The following SETD2 variants were observed in gnomAD, a reference collection of about 807,000 sequenced individuals.
SETD2 encodes the protein SET domain containing 2, histone lysine methyltransferase.
SETD2 carries 31 observed loss-of-function variants against 242.1 expected under a neutral mutation model. The observed-to-expected ratio is 0.13, with a 90% confidence interval of 0.10 to 0.17. The LOEUF (loss-of-function observed/expected upper bound fraction) is 0.17, where lower values mean the gene tolerates loss of function less well. SETD2 is among the 10% of genes least tolerant of loss of function. The pLI, the probability that SETD2 is intolerant of heterozygous loss-of-function variation, is 1.00. For missense variants in SETD2, 2,481 were observed against 3,046.3 expected (o/e 0.81, Z 4.37); for synonymous variants, 1,006 against 1,066.5 (o/e 0.94, Z 1.11).
At chr3:47,132,301 A>AT (rs2043497055) in intron 1 of SETD2, among the ~76,000 whole-genome samples, 1 of 151,930 alleles carries the variant, frequency 6.6e-6, no homozygotes, top group South Asian at 2.1e-4. Flanking sequence ...CCGGGCTAAT[A>AT]TTTTTTGAGA....
intron 7 of SETD2, among the ~76,000 whole-genome samples, chr3:47,101,840 TA>T (rs2042226537): frequency 6.6e-6 from 1 of 152,100 alleles, no homozygotes; most frequent in South Asian, 2.1e-4. Context: ...GAAAAAAAAG[TA>T]ACTGCTATTT....
chr3:47,093,844 T>C (rs2041902969), intron 9 of SETD2, among the ~76,000 whole-genome samples: 1 of 152,198 alleles, frequency 6.6e-6, no homozygotes, highest in Non-Finnish European at 1.5e-5. Context: ...TTTTTATCAA[T>C]CTGGTGAGAG....
chr3:47,092,662 T>C (rs936771618), intron 9 of SETD2, among the ~76,000 whole-genome samples: 1 of 151,944 alleles, frequency 6.6e-6, no homozygotes, highest in African/African-American at 2.4e-5. Flanking sequence ...TACTTGAATA[T>C]TTGTGGCACT....
rs745818916 is a variant in SETD2, at chr3:47,017,066, A to G, written c.*27T>C. The G allele has an allele frequency of 1.7e-5, 27 of 1,611,546 alleles. No homozygotes were observed. The highest frequency in any genetic ancestry group is 2.2e-5 in the Non-Finnish European group (26 of 1,178,406). On this transcript the variant is annotated 3_prime_UTR_variant, in exon 21 of 21. Transcript: ENST00000409792. The surrounding 1 kb of genome is among the most constrained non-coding windows in gnomAD (Gnocchi z 4.8). ...TCCCTAGAGTCTGTCTTACCTGACC[A>G]CCCATCCTCCCACCCTGGCCCAACA... is the stretch of plus-strand genomic sequence containing the variant.
At chr3:47,120,108 T>C (rs1244835262) in intron 3 of SETD2, 74 bp downstream of exon 3, 1 of 1,209,082 alleles carries the variant, frequency 8.3e-7, no homozygotes, top group African/African-American at 1.5e-5. Context: ...TCATACAGTC[T>C]GAATTGTTTA....
chr3:47,102,389 G>A (rs571442597), intron 7 of SETD2, among the ~76,000 whole-genome samples: 25 of 152,298 alleles, frequency 1.6e-4, no homozygotes, highest in Non-Finnish European at 2.8e-4. Flanking sequence ...ATCTATTAGT[G>A]TATAGTTCAA....
At chr3:47,036,125 C>T (rs1281552617) in intron 18 of SETD2, among the ~76,000 whole-genome samples, 2 of 152,170 alleles carry the variant, frequency 1.3e-5, no homozygotes, top group African/African-American at 4.8e-5. Flanking sequence ...CTTCTCACTC[C>T]AGCTCCTTTT....
Position 47,121,699 on chromosome 3 carries a change from G to A in SETD2, c.2937C>T (p.Ile979=), listed in dbSNP as rs370019096. The A allele has an allele frequency of 8.7e-6, 14 of 1,613,968 alleles. No individual in the cohort carries two copies. Among genetic ancestry groups the A allele is most frequent in the Non-Finnish European group, 1.1e-5 (13 of 1,179,998 alleles). The change falls in exon 3 of 21, where the codon ATC becomes ATT. Residue 979 remains isoleucine (I), a synonymous_variant. Transcript: ENST00000409792. ...CTCCTTCTCCTCTTTCATCTAAAGA[G>A]ATTTCTGGTCTTCCTCTTCTTTCAG... is the stretch of plus-strand genomic sequence containing the variant. The part of the protein sequence containing the change: ...ILPERRGRPE[I]SLDERGEGGH...
chr3:47,122,448 T>C lies in SETD2; in HGVS notation c.2188A>G (p.Lys730Glu), dbSNP rs759927194. ...AGCATGCAGGTATCATCCAAGTCTT[T>C]TTCTTTGCACCTACTAATATTCTGA... ...GFQNISRCKE[K>E]DLDDTCMLHK... The change falls in exon 3 of 21, where the codon AAA becomes GAA. Residue 730 changes from lysine to glutamate, a missense_variant. Physicochemically the swap from Lys to Glu is moderately conservative, Grantham distance 56. Coordinates refer to ENST00000409792, the MANE Select transcript of SETD2 (RefSeq NM_014159.7). 14 of 1,614,152 alleles carry C rather than the reference T, an allele frequency of 8.7e-6. No individual in the cohort carries two copies. The highest frequency in any genetic ancestry group is 1.7e-5 in the Admixed American group (1 of 60,032).
chr3:47,099,955 T>C (rs2042145329), intron 8 of SETD2, among the ~76,000 whole-genome samples: 1 of 152,190 alleles, frequency 6.6e-6, no homozygotes, highest in South Asian at 2.1e-4. Context: ...TATACCTTTT[T>C]TTTTTTTTGC....
intron 12 of SETD2, among the ~76,000 whole-genome samples, chr3:47,079,769 AACAG>A (rs2041248162): frequency 1.3e-5 from 2 of 152,216 alleles, no homozygotes; most frequent in African/African-American, 4.8e-5. Flanking sequence ...TATTTACAAA[AACAG>A]ACAGTGGGGC....
At chr3:47,155,978 G>A (rs1231447252) in intron 1 of SETD2, among the ~76,000 whole-genome samples, 2 of 151,922 alleles carry the variant, frequency 1.3e-5, no homozygotes, top group Admixed American at 6.6e-5. Context: ...AGTACTCTAC[G>A]GTACTCTTGG....
chr3:47,050,027 T>C (rs2039755137), intron 15 of SETD2, among the ~76,000 whole-genome samples: 1 of 148,200 alleles, frequency 6.7e-6, no homozygotes, highest in Non-Finnish European at 1.5e-5. Flanking sequence ...TATATATATA[T>C]GGGAAAAACA....
At chr3:47,103,114 A>T (rs2042278914) in intron 7 of SETD2, among the ~76,000 whole-genome samples, 1 of 152,178 alleles carries the variant, frequency 6.6e-6, no homozygotes, top group Non-Finnish European at 1.5e-5. Flanking sequence ...GTTATATATG[A>T]TGTTAACATG....
intron 5 of SETD2, 140 bp from the exon 6 acceptor site, chr3:47,106,260 ACATGT>A: frequency 1.4e-6 from 1 of 727,036 alleles, no homozygotes; most frequent in Non-Finnish European, 2.1e-6. Flanking sequence ...AATTTCAAAC[ACATGT>A]CAAGTATCTA....
intron 15 of SETD2, among the ~76,000 whole-genome samples, chr3:47,049,182 G>A (rs2039676863): frequency 6.6e-6 from 1 of 151,454 alleles, no homozygotes; most frequent in Admixed American, 6.6e-5. Flanking sequence ...GTGTTTGAGT[G>A]ATTCTCCTGC....
intron 16 of SETD2, 104 bp downstream of exon 16, chr3:47,046,383 A>C: frequency 1.9e-6 from 2 of 1,073,042 alleles, no homozygotes; most frequent in Non-Finnish European, 2.5e-6. Flanking sequence ...ACACGTGAAA[A>C]AAAAACCCAA....
intron 1 of SETD2, among the ~76,000 whole-genome samples, chr3:47,128,263 T>A (rs1183312094): frequency 6.6e-6 from 1 of 152,108 alleles, no homozygotes. Context: ...AATGCGCAGC[T>A]CTCTGGGTTA....
intron 18 of SETD2, among the ~76,000 whole-genome samples, chr3:47,024,531 A>C (rs1404589460): frequency 6.6e-6 from 1 of 152,054 alleles, no homozygotes; most frequent in Non-Finnish European, 1.5e-5. Context: ...GCATGCCTGT[A>C]ATCCCAGCTA....
Sources: gnomAD v4.1 joint callset for allele counts (sites outside exome capture counted in the v4.1 genomes callset) on GRCh38, gnomAD v4.1.1 for gene constraint, Gnocchi (gnomAD v3.1) non-coding constraint, MANE v1.5 for transcripts, NCBI Gene and HGNC (gene_info 2026-07-23, HGNC 2026-07-21) for gene names.